Variants in RALYL observed in about 807,000 individuals in gnomAD.
RALYL encodes RALY RNA binding protein like, also known as RNA-binding Raly-like protein.
A neutral mutation model predicts 35.1 loss-of-function variants in RALYL; 29 were observed. The observed-to-expected ratio is 0.83, with a 90% confidence interval of 0.61 to 1.13. The LOEUF (loss-of-function observed/expected upper bound fraction) is 1.13. Among genes scored for constraint, RALYL ranks in the 50% most tolerant of loss-of-function variants. RALYL has a pLI of 0.00. For missense variants in RALYL, 359 were observed against 360.4 expected (o/e 1.00, Z 0.03); for synonymous variants, 120 against 127.6 (o/e 0.94, Z 0.40).
At chr8:84,560,726 A>G (rs920624446) in intron 2 of RALYL, among the ~76,000 whole-genome samples, 1 of 151,930 alleles carries the variant, frequency 6.6e-6, no homozygotes, top group Non-Finnish European at 1.5e-5. Context: ...AGAAGAGAGG[A>G]TAAGGTAGAC....
chr8:84,577,922 G>A (rs1269718427), intron 2 of RALYL, among the ~76,000 whole-genome samples: 1 of 152,204 alleles, frequency 6.6e-6, no homozygotes, highest in Non-Finnish European at 1.5e-5. Context: ...AGTATCTAAT[G>A]TGACACTGGC....
At chr8:84,912,907 G>A (rs1342846268) in intron 8 of RALYL, among the ~76,000 whole-genome samples, 2 of 151,844 alleles carry the variant, frequency 1.3e-5, no homozygotes, top group South Asian at 2.1e-4. Flanking sequence ...TGTGTCTCAG[G>A]ATTCTCTTCA....
chr8:84,911,306 T>C (rs879790829), intron 8 of RALYL, among the ~76,000 whole-genome samples: 1 of 152,156 alleles, frequency 6.6e-6, no homozygotes, highest in African/African-American at 2.4e-5. Context: ...CAAGATATGG[T>C]ATTTTCTATA....
At chr8:84,702,139 A>T (rs1840302898) in intron 2 of RALYL, among the ~76,000 whole-genome samples, 1 of 152,174 alleles carries the variant, frequency 6.6e-6, no homozygotes, top group South Asian at 2.1e-4. Flanking sequence ...ACATTTAGAA[A>T]AGACCTCAGC....
At chr8:84,322,121 CA>C (rs1422469446) in intron 1 of RALYL, among the ~76,000 whole-genome samples, 1 of 151,952 alleles carries the variant, frequency 6.6e-6, no homozygotes, top group Admixed American at 6.6e-5. Context: ...ATAAAGCAGA[CA>C]AAAACTCATT....
At chr8:84,360,589 G>A (rs563602075) in intron 1 of RALYL, among the ~76,000 whole-genome samples, 1 of 152,090 alleles carries the variant, frequency 6.6e-6, no homozygotes, top group East Asian at 1.9e-4. Context: ...AGGAAGCAGG[G>A]GGCACAAGGA....
intron 4 of RALYL, among the ~76,000 whole-genome samples, chr8:84,842,376 G>T (rs1346368127): frequency 2.6e-5 from 4 of 152,132 alleles, no homozygotes; most frequent in Non-Finnish European, 5.9e-5. Context: ...AGAAGAAACG[G>T]ATAAATTCCT....
chr8:84,301,515 T>C (rs1840780449), intron 1 of RALYL, among the ~76,000 whole-genome samples: 1 of 152,084 alleles, frequency 6.6e-6, no homozygotes, highest in South Asian at 2.1e-4. Context: ...TTCTTACTTT[T>C]AACGATAGTG....
chr8:84,499,834 A>C (rs1474722560), intron 1 of RALYL, among the ~76,000 whole-genome samples: 3 of 152,146 alleles, frequency 2.0e-5, no homozygotes, highest in African/African-American at 7.2e-5. Context: ...GGCTTACTGC[A>C]GCCTCAAACT....
At chr8:84,920,777 CT>C (rs1328965307) in intron 8 of RALYL, 116 bp from the exon 9 acceptor site, 1 of 424,432 alleles carries the variant, frequency 2.4e-6, no homozygotes, top group African/African-American at 2.1e-5. Context: ...ATATCTAATT[CT>C]TCCTTTATTC....
chr8:84,684,574 GA>G (rs1230166306), intron 2 of RALYL, among the ~76,000 whole-genome samples: 3 of 152,180 alleles, frequency 2.0e-5, no homozygotes, highest in Non-Finnish European at 2.9e-5. Flanking sequence ...AAGCATTGAT[GA>G]GAAAACACTA....
intron 1 of RALYL, among the ~76,000 whole-genome samples, chr8:84,473,310 A>T (rs895204929): frequency 4.6e-5 from 7 of 151,222 alleles, no homozygotes; most frequent in Non-Finnish European, 5.9e-5. Context: ...TATTAGATTT[A>T]AAAATATTAG....
intron 1 of RALYL, among the ~76,000 whole-genome samples, chr8:84,337,466 T>C (rs1372757517): frequency 6.6e-6 from 1 of 152,116 alleles, no homozygotes; most frequent in Non-Finnish European, 1.5e-5. Context: ...TCCATGTAGA[T>C]ACAATTATAT....
At chr8:84,613,881 T>TATAA (rs1041934122) in intron 2 of RALYL, among the ~76,000 whole-genome samples, 1 of 148,644 alleles carries the variant, frequency 6.7e-6, no homozygotes, top group Admixed American at 6.7e-5. Flanking sequence ...TATATATATA[T>TATAA]AATACACAAA....
Position 84,617,144 on chromosome 8 carries a change from T to G in RALYL, c.256+87567T>G, listed in dbSNP as rs1043992680. ...TTCTGTGAAGAAAGTCATTGGTAGC[T>G]TGATGGGGATGGCATTGAATCTATA... On this transcript the variant is annotated intron_variant, in intron 2 of 8. Transcript: ENST00000521268. Among the ~76,000 whole-genome samples, 27 of 150,774 alleles carry G rather than the reference T, an allele frequency of 1.8e-4. 2 individuals carry two copies. The highest frequency in any genetic ancestry group is 6.4e-4 in the African/African-American group (26 of 40,538).
intron 1 of RALYL, among the ~76,000 whole-genome samples, chr8:84,501,258 C>T (rs900485628): frequency 2.0e-5 from 3 of 152,044 alleles, no homozygotes; most frequent in Non-Finnish European, 2.9e-5. Flanking sequence ...TTTTGCTCTC[C>T]GAAGTTAGAT....
chr8:84,758,760 T>G (rs1240119313), intron 2 of RALYL, among the ~76,000 whole-genome samples: 2 of 152,194 alleles, frequency 1.3e-5, no homozygotes, highest in African/African-American at 4.8e-5. Flanking sequence ...TCACATTCAA[T>G]TCATTAGAAG....
chr8:84,396,485 A>G (rs941116365), intron 1 of RALYL, among the ~76,000 whole-genome samples: 2 of 152,160 alleles, frequency 1.3e-5, no homozygotes. Flanking sequence ...TTCATTCAAT[A>G]AACATTAAAG....
chr8:84,733,149 C>A (rs1393455068), intron 2 of RALYL, among the ~76,000 whole-genome samples: 1 of 152,082 alleles, frequency 6.6e-6, no homozygotes, highest in African/African-American at 2.4e-5. Context: ...TGTGCTGATG[C>A]TTACTGCTGT....
Sources: allele counts gnomAD v4.1 joint callset (sites outside exome capture counted in the v4.1 genomes callset), GRCh38; gene constraint gnomAD v4.1.1; transcripts MANE v1.5; gene names NCBI Gene and HGNC (gene_info 2026-07-23, HGNC 2026-07-21).